The following MTA3 variants were observed in gnomAD, a reference collection of about 807,000 sequenced individuals.
MTA3 encodes metastasis associated 1 family member 3, also known as metastasis-associated protein MTA3.
A neutral mutation model predicts 83.5 loss-of-function variants in MTA3; 34 were observed. The ratio of observed to expected loss-of-function variants is 0.41; its 90% CI spans 0.31 to 0.54. MTA3 has a LOEUF of 0.54. Among genes scored for constraint, MTA3 ranks in the 20% least tolerant of loss-of-function variants. The probability of loss-of-function intolerance (pLI) is 0.33; values close to 1 mark genes in which losing one functional copy is unlikely to be tolerated. For synonymous variants in MTA3, 303 were observed against 252.7 expected, an observed-to-expected ratio of 1.20 and a Z score of -1.89; for missense variants, 761 against 726.4, an observed-to-expected ratio of 1.05 and a Z score of -0.55.
intron 4 of MTA3, among the ~76,000 whole-genome samples, chr2:42,616,739 T>G (rs1327838693): frequency 5.9e-5 from 9 of 151,786 alleles, no homozygotes; most frequent in Non-Finnish European, 1.0e-4. Flanking sequence ...CCACTATGCC[T>G]GGCTAATTTT....
chr2:42,563,302 G>A (rs1272623169), intron 2 of MTA3, among the ~76,000 whole-genome samples: 1 of 152,146 alleles, frequency 6.6e-6, no homozygotes, highest in Non-Finnish European at 1.5e-5. Context: ...CCAAGTAGCT[G>A]GGATTACAGG....
intron 4 of MTA3, among the ~76,000 whole-genome samples, chr2:42,638,973 T>G: frequency 6.6e-6 from 1 of 151,810 alleles, no homozygotes; most frequent in East Asian, 1.9e-4. Flanking sequence ...ACTTTTAGTA[T>G]TTTATTTTGC....
intron 16 of MTA3, among the ~76,000 whole-genome samples, chr2:42,747,676 A>T (rs944577801): frequency 6.6e-6 from 1 of 151,894 alleles, no homozygotes; most frequent in East Asian, 2.0e-4. Context: ...GGCCTCAGAA[A>T]ACAGAATCTC....
At chr2:42,525,652 T>C (rs952917601) in intron 2 of MTA3, among the ~76,000 whole-genome samples, 1 of 151,278 alleles carries the variant, frequency 6.6e-6, no homozygotes, top group Non-Finnish European at 1.5e-5. Flanking sequence ...CTTTCTTTTT[T>C]TCCTTCTTTC....
At chr2:42,721,668 C>T (rs1667419712) in intron 15 of MTA3, among the ~76,000 whole-genome samples, 1 of 151,968 alleles carries the variant, frequency 6.6e-6, no homozygotes, top group Admixed American at 6.6e-5. Flanking sequence ...GGGCAGCCTA[C>T]CTGAAGAAAG....
chr2:42,500,997 A>T (rs1161619426), intron 2 of MTA3, among the ~76,000 whole-genome samples: 1 of 151,994 alleles, frequency 6.6e-6, no homozygotes, highest in Admixed American at 6.6e-5. Context: ...TTTTTAGTAG[A>T]GACGGGGTTT....
chr2:42,728,061 C>G (rs761687003), intron 16 of MTA3, among the ~76,000 whole-genome samples: 14 of 152,062 alleles, frequency 9.2e-5, no homozygotes, highest in Non-Finnish European at 1.9e-4. Context: ...TTCTATCTAA[C>G]TATATTTTTG....
chr2:42,744,706 T>A (rs1217876569), intron 16 of MTA3, among the ~76,000 whole-genome samples: 1 of 152,158 alleles, frequency 6.6e-6, no homozygotes, highest in Non-Finnish European at 1.5e-5. Context: ...GGATTAGGTA[T>A]CTAAGAAGAG....
chr2:42,621,075 T>C (rs1246333232), intron 4 of MTA3, among the ~76,000 whole-genome samples: 1 of 140,092 alleles, frequency 7.1e-6, no homozygotes, highest in East Asian at 2.0e-4. Flanking sequence ...AGTAAAGCTA[T>C]TAAGGTAGAC....
chr2:42,555,513 C>T (rs1677340016), intron 2 of MTA3, among the ~76,000 whole-genome samples: 1 of 145,052 alleles, frequency 6.9e-6, no homozygotes, highest in South Asian at 2.2e-4. Context: ...GTAATCTTAG[C>T]ACTTTGGGAG....
In MTA3 at chr2:42,754,738, C is replaced by G. The variant is rs1208253077; in HGVS notation, c.*1339C>G. The G allele has an allele frequency of 3.2e-5, 32 of 985,504 alleles. No homozygotes were observed. The highest frequency in any genetic ancestry group is 3.9e-5 in the Non-Finnish European group (32 of 829,978). The allele number at this position is 985,504 out of a possible 1,614,324, so 61.0% of individuals were successfully genotyped here. ...GGCAGATACGAGAGGCCCAAATAGCCAAGCTGTTGCAAGACAGAGTGGCTA... is the reference window on the plus strand; with the variant it reads ...GGCAGATACGAGAGGCCCAAATAGCGAAGCTGTTGCAAGACAGAGTGGCTA... On this transcript the variant is annotated 3_prime_UTR_variant, in exon 17 of 17. Coordinates refer to ENST00000405094, the MANE Select transcript of MTA3 (RefSeq NM_001330442.2).
chr2:42,545,281 G>A (rs1328899771), intron 2 of MTA3, among the ~76,000 whole-genome samples: 1 of 151,086 alleles, frequency 6.6e-6, no homozygotes, highest in Non-Finnish European at 1.5e-5. Context: ...GGGAGGCTGG[G>A]GTGAGAGGAT....
chr2:42,567,370 T>A (rs2103813626), upstream of MTA3, among the ~76,000 whole-genome samples: 1 of 152,340 alleles, frequency 6.6e-6, no homozygotes, highest in South Asian at 2.1e-4. Flanking sequence ...TTCATCTCAA[T>A]ACTTTGTGAT....
At chr2:42,603,953 G>A (rs1339652719) in intron 3 of MTA3, among the ~76,000 whole-genome samples, 2 of 152,226 alleles carry the variant, frequency 1.3e-5, no homozygotes, top group Admixed American at 6.5e-5. Context: ...GCTTCATTGT[G>A]TTAGCCAGGA....
intron 2 of MTA3, among the ~76,000 whole-genome samples, chr2:42,572,663 G>A (rs1011118325): frequency 3.3e-5 from 5 of 152,148 alleles, no homozygotes; most frequent in Non-Finnish European, 5.9e-5. Context: ...AGATTTGTCC[G>A]AGATGGTCGT....
chr2:42,610,984 T>C (rs1488934464), intron 4 of MTA3, among the ~76,000 whole-genome samples: 4 of 144,872 alleles, frequency 2.8e-5, no homozygotes, highest in African/African-American at 7.7e-5. Flanking sequence ...TTTCTTTTCT[T>C]TTTTTTTTTT....
At chr2:42,538,720 A>G (rs1251935158) in intron 2 of MTA3, among the ~76,000 whole-genome samples, 3 of 150,290 alleles carry the variant, frequency 2.0e-5, no homozygotes, top group Admixed American at 6.6e-5. Context: ...AAAAAAAAAA[A>G]AAAAAAGAAA....
At chr2:42,559,227 C>T (rs780848406) in intron 2 of MTA3, among the ~76,000 whole-genome samples, 11 of 152,176 alleles carry the variant, frequency 7.2e-5, no homozygotes, top group Non-Finnish European at 1.6e-4. Flanking sequence ...TTGGGCTGGG[C>T]GCAGTGGCTC....
At chr2:42,535,420 A>T (rs1035138666) in intron 2 of MTA3, among the ~76,000 whole-genome samples, 3 of 151,746 alleles carry the variant, frequency 2.0e-5, no homozygotes, top group African/African-American at 7.3e-5. Context: ...TTTATTAAAA[A>T]TTTTTTTGTG....
Sources: allele counts gnomAD v4.1 joint callset (sites outside exome capture counted in the v4.1 genomes callset), GRCh38; gene constraint gnomAD v4.1.1; transcripts MANE v1.5; gene names NCBI Gene and HGNC (gene_info 2026-07-23, HGNC 2026-07-21).